Variants in FLVCR1 observed in about 807,000 individuals in gnomAD.
The protein encoded by FLVCR1 is choline/ethanolamine transporter FLVCR1.
In FLVCR1, 34 loss-of-function variants were observed where a neutral mutation model predicts 53.6. The observed-to-expected ratio is 0.63, with a 90% CI of 0.48 to 0.84. The LOEUF is 0.84. FLVCR1 is among the 40% of genes least tolerant of loss of function. The probability of loss-of-function intolerance (pLI) is 0.00; values close to 1 mark genes in which losing one functional copy is unlikely to be tolerated. For synonymous variants in FLVCR1, 300 were observed against 286.3 expected (o/e 1.05, Z -0.48); for missense variants, 677 against 696.7 (o/e 0.97, Z 0.32).
chr1:212,888,366 A>G, intron 6 of FLVCR1, 123 bp from the exon 7 acceptor site: 1 of 748,032 alleles, frequency 1.3e-6, no homozygotes, highest in Non-Finnish European at 2.4e-6. Context: ...ACTTTGACAT[A>G]GCAACTTCAA....
In FLVCR1 at chr1:212,889,772, A is replaced by AAAT. The variant is rs386369573; in HGVS notation, c.1525+516_1525+517insATA. Among the ~76,000 whole-genome samples, 89 of 151,660 alleles carry AAAT rather than the reference A, an allele frequency of 5.9e-4. 1 individual carries two copies. The South Asian group carries it at 0.017, about 29-fold the overall frequency. On this transcript the variant is annotated intron_variant, in intron 8 of 9. Transcript: ENST00000366971. ...CTCTGTCTCAAAAAAAAAAAAAAAA[A>AAAT]AGAGTAGTAAAGACCTGGAGTTGGG...
In FLVCR1 at chr1:212,897,223, TGAGCACGATGGC is replaced by T. The variant is rs1665364968; in HGVS notation, c.*1934_*1945del. 2.0e-5 allele frequency: 3 copies of T among 147,182 alleles called. No homozygotes were observed. The South Asian group carries it at 6.4e-4, about 31-fold the overall frequency. 9.1% of individuals were successfully genotyped at this position (147,182 alleles called of 1,614,324 possible). On this transcript the variant is annotated 3_prime_UTR_variant, in exon 10 of 10. Coordinates refer to ENST00000366971, the MANE Select transcript of FLVCR1 (RefSeq NM_014053.4). The stretch of plus-strand genomic sequence containing the variant: ...TAAATAAATAAATAAAACCTGAGGT[TGAGCACGATGGC>T]TCACACCTATAGTCCCAGCACTTTG...
intron 1 of FLVCR1, among the ~76,000 whole-genome samples, chr1:212,860,223 C>G (rs1664180522): frequency 6.6e-6 from 1 of 152,200 alleles, no homozygotes; most frequent in Middle Eastern, 3.4e-3. Flanking sequence ...TTTCCCTTAT[C>G]TAAAAGTACA....
At position 212,859,014 on chromosome 1, in the gene FLVCR1, G is replaced by T; in HGVS notation, c.562G>T (p.Ala188Ser). 1.2e-6 allele frequency: 2 copies of T among 1,612,512 alleles called. No homozygotes were observed. Among genetic ancestry groups the T allele is most frequent in the South Asian group, 2.2e-5 (2 of 91,044 alleles). ...LLGSGLNCLG[A>S]WIKCGSVQQH... ...GGGCTCCGGCCTCAACTGCCTGGGT[G>T]CCTGGATCAAGTGCGGCAGTGTGCA... Residue 188 changes from alanine (A) to serine (S), a missense_variant, in exon 1 of 10, where the codon GCC becomes TCC. Coordinates refer to ENST00000366971, the MANE Select transcript of FLVCR1 (RefSeq NM_014053.4).
intron 8 of FLVCR1, among the ~76,000 whole-genome samples, chr1:212,889,493 G>A (rs1010796785): frequency 6.6e-6 from 1 of 152,194 alleles, no homozygotes; most frequent in African/African-American, 2.4e-5. Flanking sequence ...AAGGCTGGGT[G>A]TGTTGGCTCA....
At chr1:212,885,797 C>T (rs182678778) in intron 5 of FLVCR1, among the ~76,000 whole-genome samples, 9 of 152,050 alleles carry the variant, frequency 5.9e-5, no homozygotes, top group East Asian at 5.8e-4. Flanking sequence ...GTGATCCACC[C>T]GCCTCGACCT....
At position 212,895,200 on chromosome 1, in the gene FLVCR1, C is replaced by CCGAT. The variant is rs146462077; in HGVS notation, c.1594-16_1594-15insCGAT. The CCGAT allele has an allele frequency of 3.3e-5, 53 of 1,589,232 alleles. No homozygotes were observed. The African/African-American group carries it at 4.3e-4, about 13-fold the overall frequency. Reference sequence around the variant, plus strand: ...CCAGATGCTATACATTTTTAATCTTCTGATTGTTTTTATAGATACCAGCTG... The same window carrying CCGAT: ...CCAGATGCTATACATTTTTAATCTTCCGATTGATTGTTTTTATAGATACCAGCTG... On this transcript the variant is annotated splice_polypyrimidine_tract_variant and intron_variant, in intron 9 of 9. Transcript: ENST00000366971.
chr1:212,888,331 G>A (rs747890428), intron 6 of FLVCR1, among the ~76,000 whole-genome samples, 158 bp from the exon 7 acceptor site: 2 of 152,172 alleles, frequency 1.3e-5, no homozygotes, highest in African/African-American at 2.4e-5. Context: ...ACCTTGAGCT[G>A]ATTGGTCAAT....
At chr1:212,864,285 T>A in intron 2 of FLVCR1, 1 of 254,060 alleles carries the variant, frequency 3.9e-6, no homozygotes, top group South Asian at 4.6e-5. Flanking sequence ...CCCAAGGCTT[T>A]CCAATTTAAC....
chr1:212,888,039 C>T, intron 6 of FLVCR1, 38 bp downstream of exon 6: 1 of 1,146,088 alleles, frequency 8.7e-7, no homozygotes, highest in South Asian at 1.2e-5. Context: ...TGATAGCATG[C>T]TGTTATAATT....
At chr1:212,880,625 C>G (rs187725819) in intron 3 of FLVCR1, among the ~76,000 whole-genome samples, 1 of 151,982 alleles carries the variant, frequency 6.6e-6, no homozygotes, top group Non-Finnish European at 1.5e-5. Context: ...TGGTGAAACC[C>G]GGTCTCTAAT....
rs1665368436 is a variant in FLVCR1 at position 212,897,342 on chromosome 1, A to G, written c.*2052A>G. On this transcript the variant is annotated 3_prime_UTR_variant, in exon 10 of 10. Transcript: ENST00000366971. ...CATGGCAAAACCCCATCTCTACTAA[A>G]AATACATACACACACACACACACAC... 6.9e-6 allele frequency: 1 copy of G among 144,388 alleles called. No homozygotes were observed. The highest frequency in any genetic ancestry group is 2.6e-5 in the African/African-American group (1 of 38,534). 8.9% of individuals were successfully genotyped at this position (144,388 alleles called of 1,614,324 possible). A position where few individuals can be genotyped will look rare whatever the true frequency, so the allele number is the denominator to read the frequency against.
intron 8 of FLVCR1, 97 bp downstream of exon 8, chr1:212,889,354 A>G: frequency 1.3e-6 from 1 of 774,926 alleles, no homozygotes; most frequent in Non-Finnish European, 2.3e-6. Flanking sequence ...AAGGGGAAAA[A>G]AATGAGATAA....
intron 2 of FLVCR1, among the ~76,000 whole-genome samples, chr1:212,865,049 A>G (rs968930212): frequency 6.6e-6 from 1 of 152,164 alleles, no homozygotes; most frequent in Non-Finnish European, 1.5e-5. Context: ...CAGACTACTA[A>G]GAAGGACACA....
chr1:212,858,528 C>A lies in FLVCR1; in HGVS notation c.76C>A (p.Pro26Thr). The change falls in exon 1 of 10, where the codon CCG becomes ACG. Residue 26 changes from proline to threonine, a missense_variant. By Grantham distance (38) the Pro-to-Thr change is conservative. Coordinates refer to ENST00000366971, the MANE Select transcript of FLVCR1 (RefSeq NM_014053.4). ...HPLAKGYLPLPRGAPVGKESV... is the reference protein window; with the variant it reads ...HPLAKGYLPLTRGAPVGKESV... ...GCTCGCGAAAGGATACCTCCCGTTG[C>A]CGAGGGGCGCGCCCGTTGGGAAGGA... The A allele has an allele frequency of 6.2e-6, 9 of 1,460,746 alleles. No individual in the cohort carries two copies. The highest frequency in any genetic ancestry group is 8.1e-6 in the Non-Finnish European group (9 of 1,108,610). 90.5% of individuals were successfully genotyped at this position (1,460,746 alleles called of 1,614,324 possible).
intron 3 of FLVCR1, among the ~76,000 whole-genome samples, chr1:212,880,783 G>A (rs1010756799): frequency 2.0e-4 from 27 of 132,416 alleles, no homozygotes; most frequent in African/African-American, 7.2e-4. Context: ...GCAACAGAGT[G>A]AGACTCTTTA....
intron 2 of FLVCR1, among the ~76,000 whole-genome samples, chr1:212,871,286 T>C (rs566356354): frequency 2.6e-4 from 39 of 152,350 alleles, no homozygotes; most frequent in African/African-American, 8.9e-4. Context: ...ATTTTCCTTC[T>C]ATTGTAATTA....
chr1:212,885,529 C>G (rs7522693), intron 5 of FLVCR1, 133 bp downstream of exon 5: 281,318 of 567,206 alleles, frequency 0.5, 72,210 homozygotes, highest in East Asian at 0.55. Context: ...CTAGTAGGTT[C>G]TCTTCACTTA....
Position 212,859,000 on chromosome 1 carries a change from T to C in FLVCR1, c.548T>C (p.Leu183Pro). 1.9e-6 allele frequency: 3 copies of C among 1,613,108 alleles called. No homozygotes were observed. Among genetic ancestry groups the C allele is most frequent in the Non-Finnish European group, 2.5e-6 (3 of 1,179,192 alleles). ...LRLTALLGSG[L>P]NCLGAWIKCG... ...CTCACCGCCCTGCTGGGCTCCGGCC[T>C]CAACTGCCTGGGTGCCTGGATCAAG... Residue 183 changes from leucine to proline, a missense_variant, in exon 1 of 10, where the codon CTC becomes CCC. By Grantham distance (98) the Leu-to-Pro change is moderately conservative. Transcript: ENST00000366971.
Sources: gnomAD v4.1 joint callset for allele counts (sites outside exome capture counted in the v4.1 genomes callset) on GRCh38, gnomAD v4.1.1 for gene constraint, MANE v1.5 for transcripts, NCBI Gene and HGNC (gene_info 2026-07-23, HGNC 2026-07-21) for gene names.